The following KCNT2 variants were observed in gnomAD, a reference collection of about 807,000 sequenced individuals.
The protein encoded by KCNT2 is potassium sodium-activated channel subfamily T member 2.
Under a neutral mutation model 153.8 loss-of-function variants are expected in KCNT2, and 67 were observed. The observed-to-expected ratio is 0.44, with a 90% CI of 0.36 to 0.53. KCNT2 has a LOEUF of 0.53. Ranked by LOEUF, KCNT2 falls within the 20% of genes least tolerant of loss-of-function variation. The probability of loss-of-function intolerance (pLI) is 0.00; values close to 1 mark genes in which losing one functional copy is unlikely to be tolerated. For missense variants in KCNT2, 975 were observed against 1,354.8 expected (o/e 0.72, Z 4.40); for synonymous variants, 500 against 458.8 (o/e 1.09, Z -1.15).
chr1:196,364,121 A>G (rs1156656527), intron 14 of KCNT2, among the ~76,000 whole-genome samples: 1 of 152,124 alleles, frequency 6.6e-6, no homozygotes, highest in East Asian at 1.9e-4. Flanking sequence ...AAGGCCTATA[A>G]TTTAGTCAAT....
chr1:196,386,932 A>G (rs1670041115), intron 13 of KCNT2, among the ~76,000 whole-genome samples: 1 of 152,050 alleles, frequency 6.6e-6, no homozygotes. Context: ...AAATTTATAT[A>G]TATTTCACTA....
intron 22 of KCNT2, among the ~76,000 whole-genome samples, chr1:196,295,688 T>A (rs1213001482): frequency 6.6e-6 from 1 of 151,942 alleles, no homozygotes; most frequent in Non-Finnish European, 1.5e-5. Flanking sequence ...GGCAAAAAAA[T>A]TTAAAAATAA....
rs575283559 is a variant in KCNT2 at position 196,226,716 on chromosome 1, T to G, written c.*1508A>C. On this transcript the variant is annotated 3_prime_UTR_variant, in exon 28 of 28. Transcript: ENST00000294725. ...GAATTATTGAGAGTACATTAGAATA[T>G]CTTTTCTTTAAAAATTTTATTATCC... The G allele has an allele frequency of 6.6e-6, 1 of 152,128 alleles. No homozygotes were observed. Among genetic ancestry groups the G allele is most frequent in the East Asian group, 1.9e-4 (1 of 5,182 alleles). 9.4% of individuals were successfully genotyped at this position (152,128 alleles called of 1,614,324 possible).
intron 1 of KCNT2, among the ~76,000 whole-genome samples, chr1:196,551,507 C>T (rs943238278): frequency 6.6e-6 from 1 of 151,500 alleles, no homozygotes; most frequent in Non-Finnish European, 1.5e-5. Flanking sequence ...TTTTTGTATG[C>T]TAGAGACACA....
At chr1:196,418,902 C>T (rs922031221) in intron 12 of KCNT2, among the ~76,000 whole-genome samples, 10 of 152,206 alleles carry the variant, frequency 6.6e-5, no homozygotes, top group East Asian at 3.9e-4. Context: ...CATCAGGTAA[C>T]GCCAGCTTGG....
chr1:196,511,018 A>G (rs1177266915), intron 1 of KCNT2, among the ~76,000 whole-genome samples: 2 of 152,052 alleles, frequency 1.3e-5, no homozygotes, highest in African/African-American at 4.8e-5. Context: ...GCATCTGGCA[A>G]TATAGTAGAC....
At chr1:196,579,239 A>G (rs985078916) in intron 1 of KCNT2, among the ~76,000 whole-genome samples, 2 of 152,126 alleles carry the variant, frequency 1.3e-5, no homozygotes, top group Admixed American at 6.6e-5. Flanking sequence ...AACCAAATAC[A>G]GCATGTCCTC....
chr1:196,464,883 A>C (rs1311698373), intron 8 of KCNT2, among the ~76,000 whole-genome samples: 1 of 151,998 alleles, frequency 6.6e-6, no homozygotes, highest in Non-Finnish European at 1.5e-5. Context: ...CATGCACAGA[A>C]AGCAGAGGCA....
intron 1 of KCNT2, among the ~76,000 whole-genome samples, chr1:196,553,757 A>T (rs1029573872): frequency 2.2e-5 from 3 of 134,748 alleles, no homozygotes; most frequent in Non-Finnish European, 4.5e-5. Flanking sequence ...TTAAAACATT[A>T]AAAAAAATGA....
At chr1:196,268,716 C>T (rs1657775456) in intron 25 of KCNT2, among the ~76,000 whole-genome samples, 1 of 151,994 alleles carries the variant, frequency 6.6e-6, no homozygotes, top group Admixed American at 6.6e-5. Flanking sequence ...CATGAGAAAC[C>T]TCACCCAAAA....
chr1:196,476,495 T>A (rs994779388), intron 5 of KCNT2, among the ~76,000 whole-genome samples: 4 of 152,120 alleles, frequency 2.6e-5, no homozygotes, highest in Non-Finnish European at 4.4e-5. Context: ...AAAAGACCCT[T>A]CTTCATTATC....
At chr1:196,387,127 A>G (rs1670061996) in intron 13 of KCNT2, among the ~76,000 whole-genome samples, 1 of 152,148 alleles carries the variant, frequency 6.6e-6, no homozygotes, top group Admixed American at 6.6e-5. Flanking sequence ...GCAAAAATCT[A>G]TAAGTAAATT....
At chr1:196,260,504 A>G (rs1263939867) in intron 25 of KCNT2, among the ~76,000 whole-genome samples, 2 of 151,820 alleles carry the variant, frequency 1.3e-5, no homozygotes, top group Non-Finnish European at 3.0e-5. Flanking sequence ...AAACTGTCAT[A>G]GTTTGTACAT....
At chr1:196,527,346 G>A (rs1479820285) in intron 1 of KCNT2, among the ~76,000 whole-genome samples, 3 of 152,004 alleles carry the variant, frequency 2.0e-5, no homozygotes, top group African/African-American at 4.8e-5. Context: ...CCAATATAAG[G>A]TATTAGTAAC....
intron 8 of KCNT2, among the ~76,000 whole-genome samples, chr1:196,450,316 T>G (rs541788998): frequency 2.4e-4 from 37 of 152,022 alleles, no homozygotes; most frequent in African/African-American, 8.9e-4. Context: ...CTTCTAATCC[T>G]GTGATTTTAG....
intron 21 of KCNT2, among the ~76,000 whole-genome samples, chr1:196,313,922 A>G (rs1233082331): frequency 6.6e-6 from 1 of 151,684 alleles, no homozygotes; most frequent in Non-Finnish European, 1.5e-5. Context: ...TAGTTAAGGT[A>G]TCCAAAGTTA....
chr1:196,465,072 G>A (rs1034595123), intron 8 of KCNT2, among the ~76,000 whole-genome samples: 9 of 151,978 alleles, frequency 5.9e-5, no homozygotes, highest in Non-Finnish European at 1.3e-4. Flanking sequence ...TGCCAGAGTT[G>A]CAGTATATAT....
intron 12 of KCNT2, among the ~76,000 whole-genome samples, chr1:196,421,498 T>C (rs1007997916): frequency 1.3e-5 from 2 of 152,048 alleles, no homozygotes; most frequent in African/African-American, 2.4e-5. Context: ...ATTTCTTCAA[T>C]AAACATGTTT....
At chr1:196,360,687 G>C (rs888028159) in intron 14 of KCNT2, among the ~76,000 whole-genome samples, 3 of 152,020 alleles carry the variant, frequency 2.0e-5, no homozygotes, top group Non-Finnish European at 4.4e-5. Flanking sequence ...GCGCAACAGA[G>C]GAAACCCCAT....
Sources: gnomAD v4.1 joint callset for allele counts (sites outside exome capture counted in the v4.1 genomes callset) on GRCh38, gnomAD v4.1.1 for gene constraint, MANE v1.5 for transcripts, NCBI Gene and HGNC (gene_info 2026-07-23, HGNC 2026-07-21) for gene names.